Variants in PTPN3 observed in about 807,000 individuals in gnomAD.
The protein encoded by PTPN3 is protein tyrosine phosphatase non-receptor type 3, also known as tyrosine-protein phosphatase non-receptor type 3.
PTPN3 carries 96 observed loss-of-function variants against 132.7 expected under a neutral mutation model. The observed-to-expected ratio is 0.72, with a 90% CI of 0.61 to 0.86. The LOEUF (loss-of-function observed/expected upper bound fraction) is 0.86. Among genes scored for constraint, PTPN3 ranks in the 40% least tolerant of loss-of-function variants. The pLI, the probability that PTPN3 is intolerant of heterozygous loss-of-function variation, is 0.00. For missense variants in PTPN3, 1,125 were observed against 1,159.6 expected (o/e 0.97, Z 0.43); for synonymous variants, 398 against 429.0 (o/e 0.93, Z 0.89).
At chr9:109,445,958 CT>C (rs1844825265) in intron 6 of PTPN3, among the ~76,000 whole-genome samples, 1 of 152,216 alleles carries the variant, frequency 6.6e-6, no homozygotes, top group South Asian at 2.1e-4. Context: ...CTCCTTTCCT[CT>C]TAAACTCACT....
intron 12 of PTPN3, 63 bp from the exon 13 acceptor site, chr9:109,422,915 T>A: frequency 6.4e-7 from 1 of 1,559,596 alleles, no homozygotes; most frequent in South Asian, 1.1e-5. Flanking sequence ...AATTACTGCA[T>A]GTGTGAAACA....
At chr9:109,488,351 C>T (rs1007016518) in intron 1 of PTPN3, among the ~76,000 whole-genome samples, 6 of 152,148 alleles carry the variant, frequency 3.9e-5, no homozygotes, top group South Asian at 2.1e-4. Flanking sequence ...CCACCCGCCT[C>T]TGCCTCCCAA....
At chr9:109,429,775 C>T (rs1843532277) in intron 10 of PTPN3, among the ~76,000 whole-genome samples, 1 of 152,124 alleles carries the variant, frequency 6.6e-6, no homozygotes, top group Admixed American at 6.5e-5. Flanking sequence ...GACTATCATT[C>T]ATTTATGCAA....
chr9:109,483,466 A>G lies in PTPN3; in HGVS notation c.-18+14753T>C, dbSNP rs956672466. Among the ~76,000 whole-genome samples the G allele has an allele frequency of 7.2e-5, 11 of 152,034 alleles. No individual in the cohort carries two copies. The East Asian group carries it at 2.1e-3, about 29-fold the overall frequency. ...CTGTCTCAGTTCCTAGCTCTCCGGGAACTCACAAATCAATCAGAGAGAGAG... is the reference window on the plus strand; with the variant it reads ...CTGTCTCAGTTCCTAGCTCTCCGGGGACTCACAAATCAATCAGAGAGAGAG... On this transcript the variant is annotated intron_variant, in intron 1 of 25. Transcript: ENST00000374541.
rs1304245055 is a variant in PTPN3, at chr9:109,498,306, C to G, written c.-105G>C. Reference sequence around the variant, plus strand: ...GCTCGCGGCGCGACCTGGCCGCCGTCTGAGCATGCCCAGTGCCGCCCGCGG... The same window carrying G: ...GCTCGCGGCGCGACCTGGCCGCCGTGTGAGCATGCCCAGTGCCGCCCGCGG... On this transcript the variant is annotated 5_prime_UTR_variant, in exon 1 of 26. Transcript: ENST00000374541. The surrounding 1 kb of genome is among the most constrained non-coding windows in gnomAD (Gnocchi z 4.2). 2.7e-5 allele frequency: 4 copies of G among 146,354 alleles called. No individual in the cohort carries two copies. In the East Asian group the frequency reaches 7.9e-4, roughly 29 times the overall value. The allele number at this position is 146,354 out of a possible 1,614,324, so 9.1% of individuals were successfully genotyped here.
the PTPN3 span, chr9:109,532,829 T>C: frequency 1.0e-6 from 1 of 959,728 alleles, no homozygotes; most frequent in African/African-American, 1.7e-5. Flanking sequence ...TAAGTCGGAA[T>C]TTACTCAGCC....
intron 1 of PTPN3, among the ~76,000 whole-genome samples, chr9:109,485,191 G>C (rs1386444377): frequency 6.6e-6 from 1 of 151,878 alleles, no homozygotes; most frequent in Non-Finnish European, 1.5e-5. Context: ...TTGGGTGATA[G>C]AGTGAGACTC....
At chr9:109,514,622 C>T in the PTPN3 span, among the ~76,000 whole-genome samples, 1 of 152,166 alleles carries the variant, frequency 6.6e-6, no homozygotes, top group Non-Finnish European at 1.5e-5. Context: ...GTAACTAGAG[C>T]TCCATCCTGA....
At chr9:109,468,434 T>C (rs892033806) in intron 1 of PTPN3, among the ~76,000 whole-genome samples, 1 of 152,148 alleles carries the variant, frequency 6.6e-6, no homozygotes, top group Non-Finnish European at 1.5e-5. Flanking sequence ...TGGCGTGATC[T>C]CGGCTCACTG....
At chr9:109,402,273 A>G (rs538908497) in intron 19 of PTPN3, among the ~76,000 whole-genome samples, 6 of 151,684 alleles carry the variant, frequency 4.0e-5, no homozygotes, top group Non-Finnish European at 7.4e-5. Flanking sequence ...AGAGAAGATA[A>G]CCTCTACATT....
chr9:109,449,281 C>T (rs902248648), intron 5 of PTPN3: 1 of 994,758 alleles, frequency 1.0e-6, no homozygotes, highest in Non-Finnish European at 1.2e-6. Flanking sequence ...CAGGATCCAT[C>T]CACCCAAGCT....
At chr9:109,469,983 C>T (rs978673906) in intron 1 of PTPN3, among the ~76,000 whole-genome samples, 1 of 152,148 alleles carries the variant, frequency 6.6e-6, no homozygotes, top group East Asian at 1.9e-4. Context: ...TTCTCCGTGG[C>T]GCAGTCCCCT....
At chr9:109,455,805 C>T (rs1305262393) in intron 4 of PTPN3, among the ~76,000 whole-genome samples, 2 of 152,228 alleles carry the variant, frequency 1.3e-5, no homozygotes, top group Admixed American at 1.3e-4. Context: ...TGGCTGTGGG[C>T]TCCTTGAGGG....
At chr9:109,424,584 T>C (rs1429477055) in intron 12 of PTPN3, among the ~76,000 whole-genome samples, 1 of 152,190 alleles carries the variant, frequency 6.6e-6, no homozygotes, top group Non-Finnish European at 1.5e-5. Flanking sequence ...ATGTAAGAAA[T>C]TCAACCACCC....
At chr9:109,387,701 C>T (rs1054696329) in intron 22 of PTPN3, among the ~76,000 whole-genome samples, 5 of 152,290 alleles carry the variant, frequency 3.3e-5, no homozygotes, top group Admixed American at 1.3e-4. Flanking sequence ...AGAACTCAAA[C>T]GCCTCCTCTG....
intron 13 of PTPN3, among the ~76,000 whole-genome samples, chr9:109,421,236 G>T (rs1842873580): frequency 6.6e-6 from 1 of 152,092 alleles, no homozygotes; most frequent in Non-Finnish European, 1.5e-5. Flanking sequence ...GTACTTACCT[G>T]CTCCTGAGAA....
intron 13 of PTPN3, among the ~76,000 whole-genome samples, chr9:109,422,380 A>C (rs1047652215): frequency 5.9e-5 from 9 of 152,234 alleles, no homozygotes; most frequent in African/African-American, 2.2e-4. Context: ...AACATGAATT[A>C]AGTAAAGCTA....
intron 7 of PTPN3, 150 bp downstream of exon 7, chr9:109,445,090 T>C: frequency 1.4e-6 from 1 of 718,300 alleles, no homozygotes; most frequent in South Asian, 1.8e-5. Flanking sequence ...CCAGTCTGAG[T>C]AGAAACACAT....
At chr9:109,446,713 C>T (rs765850916) in intron 6 of PTPN3, among the ~76,000 whole-genome samples, 1 of 152,184 alleles carries the variant, frequency 6.6e-6, no homozygotes, top group African/African-American at 2.4e-5. Context: ...AGAAACAATC[C>T]TATGAAGAAA....
Sources: gnomAD v4.1 joint callset for allele counts (sites outside exome capture counted in the v4.1 genomes callset) on GRCh38, gnomAD v4.1.1 for gene constraint, Gnocchi (gnomAD v3.1) non-coding constraint, MANE v1.5 for transcripts, NCBI Gene and HGNC (gene_info 2026-07-23, HGNC 2026-07-21) for gene names.